MCTP1: variants seen among roughly 807,000 people sequenced by gnomAD.
MCTP1 encodes multiple C2 and transmembrane domain containing 1, also known as multiple C2 and transmembrane domain-containing protein 1.
A neutral mutation model predicts 120.6 loss-of-function variants in MCTP1; 69 were observed. The ratio of observed to expected loss-of-function variants is 0.57; its 90% CI spans 0.47 to 0.70. MCTP1 has a LOEUF of 0.70. Among genes scored for constraint, MCTP1 ranks in the 30% least tolerant of loss-of-function variants. The pLI is 0.00. For missense variants in MCTP1, 1,203 were observed against 1,248.8 expected (o/e 0.96, Z 0.55); for synonymous variants, 529 against 493.1 (o/e 1.07, Z -0.96).
At chr5:94,708,697 T>C in intron 21 of MCTP1, 88 bp from the exon 22 acceptor site, 1 of 779,198 alleles carries the variant, frequency 1.3e-6, no homozygotes. Context: ...CTTGACTCAA[T>C]GAACCAATAC....
intron 1 of MCTP1, among the ~76,000 whole-genome samples, chr5:95,115,561 A>G (rs1757764091): frequency 6.6e-6 from 1 of 152,074 alleles, no homozygotes; most frequent in South Asian, 2.1e-4. Flanking sequence ...GAGTTTGCTG[A>G]TAGGCTATTT....
chr5:94,731,287 G>A (rs527725844), intron 19 of MCTP1, among the ~76,000 whole-genome samples: 1 of 152,190 alleles, frequency 6.6e-6, no homozygotes, highest in East Asian at 1.9e-4. Context: ...TGTGGCCCAG[G>A]GAAGTCAAAA....
intron 3 of MCTP1, 89 bp from the exon 4 acceptor site, chr5:94,942,516 C>G: frequency 3.6e-6 from 3 of 840,388 alleles, no homozygotes; most frequent in Non-Finnish European, 3.8e-6. Context: ...TGTTGGTTGT[C>G]TATGTCACCA....
chr5:94,833,022 G>A (rs1336504064), intron 17 of MCTP1, among the ~76,000 whole-genome samples: 1 of 152,148 alleles, frequency 6.6e-6, no homozygotes, highest in Non-Finnish European at 1.5e-5. Context: ...TAAGAACACA[G>A]TTATCTCAGT....
intron 17 of MCTP1, among the ~76,000 whole-genome samples, chr5:94,832,698 C>T (rs1788824359): frequency 6.6e-6 from 1 of 152,080 alleles, no homozygotes; most frequent in Non-Finnish European, 1.5e-5. Flanking sequence ...TGGTTGTGAG[C>T]ACTACCTTAA....
chr5:94,943,631 G>A (rs1459504667), intron 3 of MCTP1, among the ~76,000 whole-genome samples: 1 of 152,070 alleles, frequency 6.6e-6, no homozygotes, highest in African/African-American at 2.4e-5. Context: ...CATTCTCAAC[G>A]CTTACAGTTT....
chr5:94,910,140 G>A (rs159039), intron 9 of MCTP1, among the ~76,000 whole-genome samples: 112,147 of 150,440 alleles, frequency 0.75, 42,479 homozygotes, highest in Middle Eastern at 0.82. Context: ...ATGTATATAT[G>A]TATGAGTATA....
intron 1 of MCTP1, among the ~76,000 whole-genome samples, chr5:95,219,588 A>G (rs896613973): frequency 1.3e-5 from 2 of 152,162 alleles, no homozygotes; most frequent in African/African-American, 4.8e-5. Context: ...TGCTACGACA[A>G]CAATAAAGAT....
intron 10 of MCTP1, among the ~76,000 whole-genome samples, chr5:94,896,303 ACT>A (rs1158201725): frequency 6.6e-6 from 1 of 152,120 alleles, no homozygotes; most frequent in East Asian, 1.9e-4. Flanking sequence ...AATGCAAATA[ACT>A]CTGGCTTGGA....
chr5:94,820,045 T>C (rs1402440268), intron 17 of MCTP1, among the ~76,000 whole-genome samples: 1 of 152,228 alleles, frequency 6.6e-6, no homozygotes, highest in African/African-American at 2.4e-5. Flanking sequence ...TTTTACACCA[T>C]GTGGCAACTT....
chr5:94,792,806 G>A (rs945646002), intron 18 of MCTP1: 1 of 152,156 alleles, frequency 6.6e-6, no homozygotes, highest in African/African-American at 2.4e-5. Flanking sequence ...AAGATGTTGG[G>A]GAATACCTTT....
At chr5:95,120,790 A>G (rs1237972024) in intron 1 of MCTP1, among the ~76,000 whole-genome samples, 1 of 152,166 alleles carries the variant, frequency 6.6e-6, no homozygotes, top group East Asian at 1.9e-4. Flanking sequence ...AAGGATGCTC[A>G]TTTTCATGAC....
At chr5:94,737,553 A>G (rs1041660138) in intron 19 of MCTP1, among the ~76,000 whole-genome samples, 1 of 152,346 alleles carries the variant, frequency 6.6e-6, no homozygotes, top group East Asian at 1.9e-4. Context: ...CAATAACTCC[A>G]ATTTATACAG....
intron 1 of MCTP1, among the ~76,000 whole-genome samples, chr5:95,110,037 G>A (rs1757346146): frequency 6.6e-6 from 1 of 152,026 alleles, no homozygotes; most frequent in African/African-American, 2.4e-5. Flanking sequence ...GTTATCTCAA[G>A]AAATTTATAA....
At chr5:94,812,690 A>C (rs1783690602) in intron 17 of MCTP1, among the ~76,000 whole-genome samples, 2 of 151,808 alleles carry the variant, frequency 1.3e-5, no homozygotes, top group African/African-American at 4.8e-5. Flanking sequence ...TTAGCCCAGG[A>C]GTTCAAAACT....
At chr5:94,899,733 A>C (rs1373623325) in intron 10 of MCTP1, among the ~76,000 whole-genome samples, 1 of 152,234 alleles carries the variant, frequency 6.6e-6, no homozygotes, top group Non-Finnish European at 1.5e-5. Context: ...GCCTGTGCAC[A>C]TGTGGCCATA....
At chr5:95,275,929 G>T (rs925441009) in intron 1 of MCTP1, among the ~76,000 whole-genome samples, 2 of 152,144 alleles carry the variant, frequency 1.3e-5, no homozygotes, top group Non-Finnish European at 2.9e-5. Flanking sequence ...GGATGTTAAA[G>T]AATAGGCATG....
rs1554239325 is a variant in MCTP1, at chr5:95,257,796, T to TACACACACATACAC, written c.720+26059_720+26060insGTGTATGTGTGTGT. 2.4e-5 allele frequency among the ~76,000 whole-genome samples: 3 copies of TACACACACATACAC among 125,420 alleles called. No individual in the cohort carries two copies. In the East Asian group the frequency reaches 7.0e-4, roughly 29 times the overall value. 82.3% of individuals were successfully genotyped at this position (125,420 alleles called of 152,430 possible). The stretch of plus-strand genomic sequence containing the variant: ...AAGGAAGGAAGTGCTCCAGAAAACA[T>TACACACACATACAC]ACACACACACACACACACACACACA... On this transcript the variant is annotated intron_variant, in intron 1 of 22. Coordinates refer to ENST00000515393, the MANE Select transcript of MCTP1 (RefSeq NM_024717.7).
rs551616740 is a variant in MCTP1, at chr5:94,953,364, G to A, written c.839-3C>T. 1.9e-6 allele frequency: 3 copies of A among 1,593,970 alleles called. No homozygotes were observed. The highest frequency in any genetic ancestry group is 4.5e-5 in the East Asian group (2 of 44,238). ...CTTCACATATGGATCACTCGTCCCT[G>A]TTAAATAGATAGATTGATCCATGTT... is the stretch of plus-strand genomic sequence containing the variant. On this transcript the variant is annotated splice_region_variant and splice_polypyrimidine_tract_variant and intron_variant, in intron 2 of 22. Transcript: ENST00000515393.
Sources: allele counts gnomAD v4.1 joint callset (sites outside exome capture counted in the v4.1 genomes callset), GRCh38; gene constraint gnomAD v4.1.1; transcripts MANE v1.5; gene names NCBI Gene and HGNC (gene_info 2026-07-23, HGNC 2026-07-21).